TNS1: variants seen among roughly 807,000 people sequenced by gnomAD.
The protein encoded by TNS1 is tensin 1, also known as tensin-1.
Under a neutral mutation model 168.6 loss-of-function variants are expected in TNS1, and 62 were observed. The observed-to-expected ratio is 0.37, with a 90% confidence interval of 0.30 to 0.45. TNS1 has a LOEUF of 0.45. Ranked by LOEUF, TNS1 falls within the 20% of genes least tolerant of loss-of-function variation. The pLI, the probability that TNS1 is intolerant of heterozygous loss-of-function variation, is 1.00. For missense variants in TNS1, 2,240 were observed against 2,339.4 expected (o/e 0.96, Z 0.88); for synonymous variants, 934 against 933.2 (o/e 1.00, Z -0.02).
chr2:217,980,784 A>G (rs763942103), intron 2 of TNS1, among the ~76,000 whole-genome samples: 9 of 152,012 alleles, frequency 5.9e-5, no homozygotes, highest in Non-Finnish European at 1.3e-4. Flanking sequence ...TCCCTCCAGC[A>G]TGCTCCCTGC....
At chr2:217,955,090 AG>A (rs1957329774) in intron 3 of TNS1, among the ~76,000 whole-genome samples, 2 of 152,202 alleles carry the variant, frequency 1.3e-5, no homozygotes, top group Admixed American at 1.3e-4. Context: ...CATAGTCCCC[AG>A]GGGGTTACTC....
chr2:217,846,647 C>A (rs1003792816), intron 19 of TNS1, among the ~76,000 whole-genome samples: 6 of 152,238 alleles, frequency 3.9e-5, no homozygotes, highest in African/African-American at 1.4e-4. Flanking sequence ...TTCAGCCACC[C>A]TTGTGGAATG....
rs183586724 is a variant in TNS1 at position 217,804,653 on chromosome 2, C to T, written c.5376-50G>A. The T allele has an allele frequency of 9.2e-3, 14,748 of 1,607,762 alleles. 101 individuals are homozygous for T. Among genetic ancestry groups the T allele is most frequent in the South Asian group, 0.019 (1,733 of 90,574 alleles). ...CATGAGGGAAGGGCAAGTGGAACCC[C>T]AGGAGGTGGACAGCAGCCCAGGTGA... On this transcript the variant is annotated intron_variant, in intron 32 of 32. Coordinates refer to ENST00000682258, the MANE Select transcript of TNS1 (RefSeq NM_001387777.1).
intron 1 of TNS1, among the ~76,000 whole-genome samples, chr2:218,009,861 G>T (rs1958690118): frequency 6.6e-6 from 1 of 152,232 alleles, no homozygotes; most frequent in Non-Finnish European, 1.5e-5. Flanking sequence ...ACACCCAGGG[G>T]TGTGCGCTGG....
chr2:217,952,720 A>G (rs1335211322), intron 3 of TNS1, among the ~76,000 whole-genome samples: 1 of 152,136 alleles, frequency 6.6e-6, no homozygotes, highest in Non-Finnish European at 1.5e-5. Flanking sequence ...AACAACATGA[A>G]TGGGGCTGAT....
In TNS1 at chr2:217,976,981, G is replaced by A. The variant is rs897463294; in HGVS notation, c.186+1784C>T. Among the ~76,000 whole-genome samples the A allele has an allele frequency of 3.9e-5, 6 of 152,332 alleles. No homozygotes were observed. In the East Asian group the frequency reaches 7.7e-4, roughly 20 times the overall value. ...GGACACCTTGGGGAAGTCACTCAAC[G>A]TGGGGCGCCTCAGTTTCCTCATCTG... is the stretch of plus-strand genomic sequence containing the variant. On this transcript the variant is annotated intron_variant, in intron 3 of 32. Transcript: ENST00000682258.
At chr2:217,806,622 G>A (rs1383599828) in intron 32 of TNS1, among the ~76,000 whole-genome samples, 5 of 152,120 alleles carry the variant, frequency 3.3e-5, no homozygotes, top group South Asian at 4.2e-4. Context: ...GCAGAGACAC[G>A]GGAAATGCAG....
chr2:217,893,413 C>T (rs1297382740), intron 10 of TNS1, 26 bp downstream of exon 10: 2 of 1,581,570 alleles, frequency 1.3e-6, no homozygotes, highest in African/African-American at 2.7e-5. Context: ...CACACACACA[C>T]ACACACACAC....
At chr2:218,000,100 G>A (rs866304270) in intron 1 of TNS1, among the ~76,000 whole-genome samples, 11 of 152,200 alleles carry the variant, frequency 7.2e-5, no homozygotes, top group Non-Finnish European at 5.9e-5. Context: ...TAAATAAACC[G>A]TACTTGAATA....
At chr2:217,926,395 C>G (rs1956029200) in intron 3 of TNS1, among the ~76,000 whole-genome samples, 1 of 152,034 alleles carries the variant, frequency 6.6e-6, no homozygotes, top group Non-Finnish European at 1.5e-5. Flanking sequence ...CAGATTACAC[C>G]ACTTCGTGTT....
At chr2:217,876,623 C>T (rs7584741) in intron 18 of TNS1, among the ~76,000 whole-genome samples, 6,202 of 152,240 alleles carry the variant, frequency 0.041, 420 homozygotes, top group African/African-American at 0.14. Flanking sequence ...TGTTTTGCAA[C>T]CCTAACCCCC....
rs1479381848 is a variant in TNS1 at position 217,866,686 on chromosome 2, G to A, written c.1429+14212C>T. 3.3e-5 allele frequency among the ~76,000 whole-genome samples: 5 copies of A among 152,192 alleles called. No homozygotes were observed. The East Asian group carries it at 9.6e-4, about 29-fold the overall frequency. ...CCAGAGCAGAATTAGCTAGTCCGCA[G>A]CCTCTCAGGCCTCTCCACTGGGGCT... On this transcript the variant is annotated intron_variant, in intron 18 of 32. Transcript: ENST00000682258.
At chr2:217,808,526 CAT>C (rs1369364171) in intron 31 of TNS1, 75 bp downstream of exon 31, 29 of 1,314,970 alleles carry the variant, frequency 2.2e-5, no homozygotes, top group Middle Eastern at 1.9e-4. Context: ...CACACACACA[CAT>C]GCACATGCAT....
At position 217,991,006 on chromosome 2, in the gene TNS1, G is replaced by A. The variant is rs1442550587; in HGVS notation, c.84C>T (p.Phe28=). ...PKTHRFKVKT[F]KKVKPCGICR... ...AGATCCCACAGGGCTTCACCTTCTT[G>A]AAGGTCTTCACCTTGAAGCGGTGTG... The change falls in exon 2 of 33, where the codon TTC becomes TTT. Residue 28 remains phenylalanine (F), a synonymous_variant. Transcript: ENST00000682258. 2 of 695,482 alleles carry A rather than the reference G, an allele frequency of 2.9e-6. No homozygotes were observed. The highest frequency in any genetic ancestry group is 5.3e-6 in the Non-Finnish European group (2 of 379,482). The allele number at this position is 695,482 out of a possible 1,614,324, so 43.1% of individuals were successfully genotyped here.
intron 1 of TNS1, among the ~76,000 whole-genome samples, chr2:218,021,961 G>A (rs545477401): frequency 1.4e-4 from 21 of 152,276 alleles, no homozygotes; most frequent in Admixed American, 2.6e-4. Flanking sequence ...ACCTCAGAGC[G>A]GGGGAAGGGC....
chr2:217,865,305 T>C (rs906691315), intron 18 of TNS1, among the ~76,000 whole-genome samples: 1 of 152,218 alleles, frequency 6.6e-6, no homozygotes, highest in African/African-American at 2.4e-5. Context: ...GACTCACTTA[T>C]GCAGAGGCCA....
chr2:217,975,995 T>C (rs1378991269), intron 3 of TNS1, among the ~76,000 whole-genome samples: 1 of 152,142 alleles, frequency 6.6e-6, no homozygotes, highest in Admixed American at 6.6e-5. Flanking sequence ...CCAGCCCTCT[T>C]TCAAGCGTAA....
At chr2:217,992,964 C>T (rs1958404777) in intron 1 of TNS1, among the ~76,000 whole-genome samples, 1 of 152,168 alleles carries the variant, frequency 6.6e-6, no homozygotes, top group Non-Finnish European at 1.5e-5. Flanking sequence ...ACAGTGGTCC[C>T]ATAAACTTAT....
chr2:217,806,262 C>T (rs890560879), intron 32 of TNS1, among the ~76,000 whole-genome samples: 1 of 152,260 alleles, frequency 6.6e-6, no homozygotes, highest in Non-Finnish European at 1.5e-5. Flanking sequence ...TAGATCCAGG[C>T]AAGAAGCCTC....
Sources: allele counts gnomAD v4.1 joint callset (sites outside exome capture counted in the v4.1 genomes callset), GRCh38; gene constraint gnomAD v4.1.1; transcripts MANE v1.5; gene names NCBI Gene and HGNC (gene_info 2026-07-23, HGNC 2026-07-21).